TENM3: variants seen among roughly 807,000 people sequenced by gnomAD.
The protein encoded by TENM3 is teneurin-3.
TENM3 carries 63 observed loss-of-function variants against 255.1 expected under a neutral mutation model. The ratio of observed to expected loss-of-function variants is 0.25; its 90% confidence interval spans 0.20 to 0.30. The LOEUF (loss-of-function observed/expected upper bound fraction) is 0.30, where lower values mean the gene tolerates loss of function less well. Ranked by LOEUF, TENM3 falls within the 10% of genes least tolerant of loss-of-function variation. TENM3 has a pLI of 1.00. For synonymous variants in TENM3, 1,306 were observed against 1,322.3 expected (o/e 0.99, Z 0.27); for missense variants, 2,929 against 3,461.1 (o/e 0.85, Z 3.86).
At chr4:181,623,516 T>C in the TENM3 span, among the ~76,000 whole-genome samples, 1 of 152,206 alleles carries the variant, frequency 6.6e-6, no homozygotes, top group Non-Finnish European at 1.5e-5. Context: ...TTTGAGAAAT[T>C]ATTCCATTAT....
chr4:182,554,897 C>T (rs1358881559), intron 3 of TENM3, among the ~76,000 whole-genome samples: 2 of 148,992 alleles, frequency 1.3e-5, no homozygotes, highest in African/African-American at 2.5e-5. Context: ...TTTCCTTTCA[C>T]ATGATGTACG....
the TENM3 span, among the ~76,000 whole-genome samples, chr4:181,605,421 G>A: frequency 6.7e-6 from 1 of 148,952 alleles, no homozygotes; most frequent in Non-Finnish European, 1.5e-5. Context: ...TCCAGCCTGG[G>A]CAACAAAGCG....
At chr4:181,487,069 C>T in the TENM3 span, among the ~76,000 whole-genome samples, 1 of 152,222 alleles carries the variant, frequency 6.6e-6, no homozygotes, top group South Asian at 2.1e-4. Context: ...AAATGATGCG[C>T]ATACCATATA....
chr4:182,723,290 A>G (rs575585102), intron 13 of TENM3, among the ~76,000 whole-genome samples: 10 of 152,346 alleles, frequency 6.6e-5, no homozygotes, highest in African/African-American at 2.4e-4. Context: ...TGTTTCATGC[A>G]TATTACAGAA....
chr4:181,902,920 T>C, the TENM3 span, among the ~76,000 whole-genome samples: 2 of 152,216 alleles, frequency 1.3e-5, no homozygotes, highest in Non-Finnish European at 2.9e-5. Context: ...TAACTGAAAG[T>C]AGCATTCGTT....
At chr4:182,075,141 CGTGGCAGA>C in the TENM3 span, among the ~76,000 whole-genome samples, 1 of 151,342 alleles carries the variant, frequency 6.6e-6, no homozygotes. Flanking sequence ...TTTTCTCAGA[CGTGGCAGA>C]GTGGCAGAAA....
At chr4:182,289,479 C>G (rs115353968) in intron 1 of TENM3, among the ~76,000 whole-genome samples, 2 of 152,174 alleles carry the variant, frequency 1.3e-5, no homozygotes, top group Non-Finnish European at 2.9e-5. Context: ...GTATACTTGT[C>G]GCAGTTGTCC....
chr4:182,792,204 G>GCTTT lies in TENM3; in HGVS notation c.5602-70_5602-69insCTTT. ...TCTAGTGGAATGTTTCTGTGCATCT[G>GCTTT]TGGTCACTAAATCTGCTTTTGCATC... On this transcript the variant is annotated intron_variant, in intron 25 of 27. Coordinates refer to ENST00000511685, the MANE Select transcript of TENM3 (RefSeq NM_001080477.4). The surrounding 1 kb of genome is among the most constrained non-coding windows in gnomAD (Gnocchi z 6.3). 4 of 1,359,516 alleles carry GCTTT rather than the reference G, an allele frequency of 2.9e-6. No individual in the cohort carries two copies. Among genetic ancestry groups the GCTTT allele is most frequent in the Non-Finnish European group, 4.1e-6 (4 of 973,868 alleles). The allele number at this position is 1,359,516 out of a possible 1,614,324, so 84.2% of individuals were successfully genotyped here. A position where few individuals can be genotyped will look rare whatever the true frequency, so the allele number is the denominator to read the frequency against.
chr4:182,184,319 A>G (rs1436208049), intron 1 of TENM3, among the ~76,000 whole-genome samples: 3 of 152,180 alleles, frequency 2.0e-5, no homozygotes, highest in Non-Finnish European at 2.9e-5. Context: ...GGGGAGTTAC[A>G]TAGGATGTTT....
the TENM3 span, among the ~76,000 whole-genome samples, chr4:181,566,260 T>G: frequency 1.3e-5 from 2 of 152,196 alleles, no homozygotes; most frequent in Admixed American, 6.5e-5. Flanking sequence ...TCCAGAACAC[T>G]TACTAATATG....
the TENM3 span, among the ~76,000 whole-genome samples, chr4:182,037,014 A>G: frequency 2.0e-5 from 3 of 152,330 alleles, no homozygotes; most frequent in South Asian, 4.1e-4. Flanking sequence ...TTTAAAAAGT[A>G]TGAATCTTCC....
the TENM3 span, among the ~76,000 whole-genome samples, chr4:181,497,282 C>A: frequency 2.0e-5 from 3 of 152,264 alleles, no homozygotes; most frequent in East Asian, 5.8e-4. Context: ...CAGCAGCTCC[C>A]TCATCAGCGA....
chr4:181,520,950 A>C, the TENM3 span, among the ~76,000 whole-genome samples: 1 of 152,234 alleles, frequency 6.6e-6, no homozygotes, highest in African/African-American at 2.4e-5. Flanking sequence ...CTTACACTTT[A>C]ATCTTCATTA....
Position 182,793,985 on chromosome 4 carries a change from C to A in TENM3, c.7213+100C>A. ...CTTTTTTAAAAAACTTTATACTTTA[C>A]TCAGGCAAAGGCAAATGGCTAACCT... On this transcript the variant is annotated intron_variant, in intron 26 of 27. Coordinates refer to ENST00000511685, the MANE Select transcript of TENM3 (RefSeq NM_001080477.4). This position sits in a 1 kb window ranked among gnomAD's most constrained non-coding sequence, Gnocchi z 5.7. 8.9e-7 allele frequency: 1 copy of A among 1,123,198 alleles called. No individual in the cohort carries two copies. The highest frequency in any genetic ancestry group is 1.2e-6 in the Non-Finnish European group (1 of 803,878). The allele number at this position is 1,123,198 out of a possible 1,614,324, so 69.6% of individuals were successfully genotyped here.
chr4:182,080,127 G>A, the TENM3 span, among the ~76,000 whole-genome samples: 1 of 152,182 alleles, frequency 6.6e-6, no homozygotes, highest in Non-Finnish European at 1.5e-5. Flanking sequence ...ATCTGTTCTT[G>A]CAATATGCTG....
At chr4:182,316,445 C>T (rs1008170503) in intron 1 of TENM3, among the ~76,000 whole-genome samples, 2 of 151,908 alleles carry the variant, frequency 1.3e-5, no homozygotes, top group African/African-American at 4.8e-5. Flanking sequence ...ACCTGTGATT[C>T]AGTGGTCCTT....
At chr4:182,637,272 C>A (rs1751923707) in intron 5 of TENM3, among the ~76,000 whole-genome samples, 1 of 152,170 alleles carries the variant, frequency 6.6e-6, no homozygotes, top group Non-Finnish European at 1.5e-5. Flanking sequence ...CTAGAATATA[C>A]AAATAAAATT....
chr4:181,690,922 C>G, the TENM3 span, among the ~76,000 whole-genome samples: 1 of 117,334 alleles, frequency 8.5e-6, no homozygotes, highest in African/African-American at 2.5e-5. Context: ...GTGACTCTAA[C>G]AAGCAAATAC....
chr4:182,209,467 T>C (rs967623273), intron 1 of TENM3, among the ~76,000 whole-genome samples: 2 of 152,068 alleles, frequency 1.3e-5, no homozygotes, highest in African/African-American at 4.8e-5. Flanking sequence ...CCAAGACTCC[T>C]GCTGGCAGAC....
Sources: allele counts gnomAD v4.1 joint callset (sites outside exome capture counted in the v4.1 genomes callset), GRCh38; gene constraint gnomAD v4.1.1; non-coding constraint Gnocchi (gnomAD v3.1); transcripts MANE v1.5; gene names NCBI Gene and HGNC (gene_info 2026-07-23, HGNC 2026-07-21).